MLLT3: variants seen among roughly 807,000 people sequenced by gnomAD.
The protein encoded by MLLT3 is protein AF-9.
A neutral mutation model predicts 53.2 loss-of-function variants in MLLT3; 4 were observed. The observed-to-expected ratio is 0.08, with a 90% CI of 0.04 to 0.17. The LOEUF (loss-of-function observed/expected upper bound fraction) is 0.17, where lower values mean the gene tolerates loss of function less well. MLLT3 is among the 10% of genes least tolerant of loss of function. MLLT3 has a pLI of 1.00. For synonymous variants in MLLT3, 283 were observed against 230.6 expected (o/e 1.23, Z -2.06); for missense variants, 569 against 684.0 (o/e 0.83, Z 1.87).
At chr9:20,489,539 C>A (rs977952598) in intron 2 of MLLT3, among the ~76,000 whole-genome samples, 4 of 152,162 alleles carry the variant, frequency 2.6e-5, no homozygotes, top group Non-Finnish European at 5.9e-5. Context: ...ATATTTAGGG[C>A]TGCCACCCTG....
At chr9:20,393,764 AT>A (rs1206344816) in intron 5 of MLLT3, among the ~76,000 whole-genome samples, 1 of 152,150 alleles carries the variant, frequency 6.6e-6, no homozygotes, top group African/African-American at 2.4e-5. Flanking sequence ...TTAGTCATGC[AT>A]TTTTTAAGTG....
Position 20,488,280 on chromosome 9 carries a change from T to C in MLLT3, c.194-31494A>G, listed in dbSNP as rs1003168557. On this transcript the variant is annotated intron_variant, in intron 2 of 10. Coordinates refer to ENST00000380338, the MANE Select transcript of MLLT3 (RefSeq NM_004529.4). ...GTAACAAAAAAGCTCTGAGGATGGATAGTGATAATGACTGTGCAACAATGT... is the reference window on the plus strand; with the variant it reads ...GTAACAAAAAAGCTCTGAGGATGGACAGTGATAATGACTGTGCAACAATGT... Among the ~76,000 whole-genome samples, 11 of 152,164 alleles carry C rather than the reference T, an allele frequency of 7.2e-5. No individual in the cohort carries two copies. The South Asian group carries it at 1.0e-3, about 14-fold the overall frequency.
At chr9:20,436,802 T>C (rs1490513496) in intron 4 of MLLT3, among the ~76,000 whole-genome samples, 1 of 152,170 alleles carries the variant, frequency 6.6e-6, no homozygotes, top group Non-Finnish European at 1.5e-5. Context: ...ATTTACTCAT[T>C]TTATAGCCAT....
intron 2 of MLLT3, among the ~76,000 whole-genome samples, chr9:20,541,094 T>C (rs892430990): frequency 1.3e-5 from 2 of 152,234 alleles, no homozygotes; most frequent in Non-Finnish European, 2.9e-5. Context: ...TGCTAAATTA[T>C]AGCAAGAGTG....
At chr9:20,607,953 A>G (rs2131204893) in intron 2 of MLLT3, among the ~76,000 whole-genome samples, 1 of 152,088 alleles carries the variant, frequency 6.6e-6, no homozygotes, top group African/African-American at 2.4e-5. Flanking sequence ...AAAAACCTCT[A>G]GTTATTTTTG....
intron 2 of MLLT3, among the ~76,000 whole-genome samples, chr9:20,539,395 G>C (rs1818567285): frequency 6.6e-6 from 1 of 152,168 alleles, no homozygotes; most frequent in Non-Finnish European, 1.5e-5. Flanking sequence ...CTGAGAATGG[G>C]TAATTTATAA....
At position 20,486,307 on chromosome 9, in the gene MLLT3, T is replaced by C. The variant is rs554612909; in HGVS notation, c.194-29521A>G. Among the ~76,000 whole-genome samples the C allele has an allele frequency of 2.6e-5, 4 of 152,218 alleles. No homozygotes were observed. The East Asian group carries it at 7.7e-4, about 29-fold the overall frequency. On this transcript the variant is annotated intron_variant, in intron 2 of 10. Transcript: ENST00000380338. ...ATACAACAGAACAAAGGGCCCCATTTATAAAAGCAGCAAAAACTCAATGAA... is the reference window on the plus strand; with the variant it reads ...ATACAACAGAACAAAGGGCCCCATTCATAAAAGCAGCAAAAACTCAATGAA...
intron 4 of MLLT3, among the ~76,000 whole-genome samples, chr9:20,422,794 AC>A (rs1470296091): frequency 6.6e-6 from 1 of 152,166 alleles, no homozygotes; most frequent in Admixed American, 6.6e-5. Context: ...ATCAATATTA[AC>A]TAATCACTTT....
At chr9:20,417,522 C>T (rs1244582943) in intron 4 of MLLT3, among the ~76,000 whole-genome samples, 1 of 151,752 alleles carries the variant, frequency 6.6e-6, no homozygotes, top group African/African-American at 2.4e-5. Flanking sequence ...AAAGTTTACA[C>T]ATGTATAATT....
At chr9:20,497,476 C>T (rs1825107052) in intron 2 of MLLT3, among the ~76,000 whole-genome samples, 3 of 152,196 alleles carry the variant, frequency 2.0e-5, no homozygotes, top group Admixed American at 2.0e-4. Context: ...CAGGTAACCA[C>T]TGATCCACTT....
intron 2 of MLLT3, among the ~76,000 whole-genome samples, chr9:20,570,820 A>G (rs557477168): frequency 2.7e-5 from 4 of 148,546 alleles, no homozygotes; most frequent in Non-Finnish European, 5.9e-5. Flanking sequence ...AACAAATTCC[A>G]TATTTTCTTA....
At chr9:20,554,342 C>G (rs547211900) in intron 2 of MLLT3, among the ~76,000 whole-genome samples, 7 of 152,206 alleles carry the variant, frequency 4.6e-5, no homozygotes, top group Admixed American at 4.6e-4. Flanking sequence ...GAATATGCAC[C>G]AATACAGGTT....
At chr9:20,599,056 A>G (rs1820346982) in intron 2 of MLLT3, among the ~76,000 whole-genome samples, 1 of 152,216 alleles carries the variant, frequency 6.6e-6, no homozygotes, top group Admixed American at 6.5e-5. Context: ...CTGTAATCCC[A>G]GTACTTTGGG....
intron 5 of MLLT3, among the ~76,000 whole-genome samples, chr9:20,374,967 G>T (rs796541801): frequency 4.6e-5 from 7 of 152,316 alleles, no homozygotes; most frequent in African/African-American, 1.4e-4. Context: ...TGGTATCCTT[G>T]TAAGAACAGA....
Position 20,448,044 on chromosome 9 carries a change from A to G in MLLT3, c.420+79T>C. ...AAAACCTTATACTTTTTAACACATG[A>G]GGAACTAGTTTGTTTGTTTTTTTTT... is the stretch of plus-strand genomic sequence containing the variant. On this transcript the variant is annotated intron_variant, in intron 4 of 10. Transcript: ENST00000380338. The surrounding 1 kb of genome is among the most constrained non-coding windows in gnomAD (Gnocchi z 4.0). The G allele has an allele frequency of 6.8e-7, 1 of 1,466,964 alleles. No homozygotes were observed. The allele number at this position is 1,466,964 out of a possible 1,614,324, so 90.9% of individuals were successfully genotyped here.
At chr9:20,385,170 G>A (rs978761930) in intron 5 of MLLT3, among the ~76,000 whole-genome samples, 4 of 152,070 alleles carry the variant, frequency 2.6e-5, no homozygotes, top group African/African-American at 4.8e-5. Flanking sequence ...TTTTTCCTGA[G>A]TCTATTTAAA....
At chr9:20,375,057 G>A (rs1261339656) in intron 5 of MLLT3, among the ~76,000 whole-genome samples, 1 of 152,232 alleles carries the variant, frequency 6.6e-6, no homozygotes, top group Admixed American at 6.5e-5. Context: ...CAGGAAGAGA[G>A]ACCTTACCAG....
rs751659906 is a variant in MLLT3 at position 20,346,591 on chromosome 9, G to C, written c.1576-17C>G. On this transcript the variant is annotated splice_polypyrimidine_tract_variant and intron_variant, in intron 10 of 10. Coordinates refer to ENST00000380338, the MANE Select transcript of MLLT3 (RefSeq NM_004529.4). ...GTTCACGATCTAGAGGAGTGAAGAA[G>C]AGAAAGTTTGGGCAATACGCAGCAA... is the stretch of plus-strand genomic sequence containing the variant. 1 of 1,608,678 alleles carries C rather than the reference G, an allele frequency of 6.2e-7. No individual in the cohort carries two copies. The highest frequency in any genetic ancestry group is 8.5e-7 in the Non-Finnish European group (1 of 1,178,152).
intron 5 of MLLT3, among the ~76,000 whole-genome samples, chr9:20,380,665 C>T (rs548599501): frequency 6.6e-6 from 1 of 152,096 alleles, no homozygotes; most frequent in East Asian, 1.9e-4. Flanking sequence ...CTTTTATCCA[C>T]TACACTTAAA....
Sources: allele counts gnomAD v4.1 joint callset (sites outside exome capture counted in the v4.1 genomes callset), GRCh38; gene constraint gnomAD v4.1.1; non-coding constraint Gnocchi (gnomAD v3.1); transcripts MANE v1.5; gene names NCBI Gene and HGNC (gene_info 2026-07-23, HGNC 2026-07-21).